ANKH: variants seen among roughly 807,000 people sequenced by gnomAD.
The protein encoded by ANKH is ANKH inorganic pyrophosphate transport regulator.
ANKH carries 15 observed loss-of-function variants against 49.0 expected under a neutral mutation model. The observed-to-expected ratio is 0.31, with a 90% CI of 0.20 to 0.47. The LOEUF (loss-of-function observed/expected upper bound fraction) is 0.47. ANKH is among the 20% of genes least tolerant of loss of function. The pLI is 1.00. For missense variants in ANKH, 429 were observed against 652.0 expected (o/e 0.66, Z 3.72); for synonymous variants, 273 against 260.0 (o/e 1.05, Z -0.48).
intron 1 of ANKH, among the ~76,000 whole-genome samples, chr5:14,784,309 T>A (rs1424796293): frequency 6.6e-6 from 1 of 152,144 alleles, no homozygotes; most frequent in Non-Finnish European, 1.5e-5. Context: ...AGGTTCCTGG[T>A]TAATATACGG....
intron 1 of ANKH, among the ~76,000 whole-genome samples, chr5:14,799,339 AT>A (rs1740492494): frequency 6.6e-6 from 1 of 152,274 alleles, no homozygotes; most frequent in South Asian, 2.1e-4. Flanking sequence ...GCAGCAACTT[AT>A]CCAGAAGATC....
chr5:14,814,338 C>T (rs1327324468), intron 1 of ANKH, among the ~76,000 whole-genome samples: 2 of 152,214 alleles, frequency 1.3e-5, no homozygotes, highest in African/African-American at 4.8e-5. Context: ...TGGTGACACA[C>T]GCCTGTAATC....
rs543142624 is a variant in ANKH, at chr5:14,848,201, GACTGCACCCACCTTTAAA to G, written c.96+23133_96+23150del. Among the ~76,000 whole-genome samples, 48 of 152,322 alleles carry G rather than the reference GACTGCACCCACCTTTAAA, an allele frequency of 3.2e-4. No homozygotes were observed. The South Asian group carries it at 4.6e-3, about 14-fold the overall frequency. On this transcript the variant is annotated intron_variant, in intron 1 of 11. Transcript: ENST00000284268. ...ATTCCTAAGCCTAACTGAGGAAGGT[GACTGCACCCACCTTTAAA>G]CGTGGGGCTTGTAACTCAGCTCACA...
intron 6 of ANKH, among the ~76,000 whole-genome samples, chr5:14,747,346 A>G (rs153922): frequency 0.26 from 39,710 of 152,042 alleles, 6,440 homozygotes; most frequent in African/African-American, 0.46. Flanking sequence ...TTGGGAGGCC[A>G]AGGTTGGAGA....
Position 14,713,497 on chromosome 5 carries a change from T to C in ANKH, c.1265+47A>G, listed in dbSNP as rs764632357. 6.2e-7 allele frequency: 1 copy of C among 1,611,840 alleles called. No homozygotes were observed. The highest frequency in any genetic ancestry group is 8.5e-7 in the Non-Finnish European group (1 of 1,178,784). On this transcript the variant is annotated intron_variant, in intron 10 of 11. Transcript: ENST00000284268. The surrounding 1 kb of genome is among the most constrained non-coding windows in gnomAD (Gnocchi z 4.4). ...AGCTGTTAAACCTCTGGACACAGTA[T>C]TGAAGTGGCAGAAGGACCCACAGCC...
intron 7 of ANKH, among the ~76,000 whole-genome samples, chr5:14,743,238 A>G (rs900520843): frequency 6.6e-6 from 1 of 152,230 alleles, no homozygotes; most frequent in African/African-American, 2.4e-5. Context: ...TTCACCCTGG[A>G]TCTGTTAGAG....
At position 14,871,496 on chromosome 5, in the gene ANKH, C is replaced by T. The variant is rs370039792; in HGVS notation, c.-49G>A. 33 of 1,530,096 alleles carry T rather than the reference C, an allele frequency of 2.2e-5. No individual in the cohort carries two copies. Among genetic ancestry groups the T allele is most frequent in the Non-Finnish European group, 2.3e-5 (26 of 1,116,156 alleles). 94.8% of individuals were successfully genotyped at this position (1,530,096 alleles called of 1,614,324 possible). A position where few individuals can be genotyped will look rare whatever the true frequency, so the allele number is the denominator to read the frequency against. ...ACACACATCTGCTGCCGCGAGGGGA[C>T]TCTGCGGGGAGGCGAGGGGCGACGG... On this transcript the variant is annotated 5_prime_UTR_variant, in exon 1 of 12. Coordinates refer to ENST00000284268, the MANE Select transcript of ANKH (RefSeq NM_054027.6).
intron 1 of ANKH, among the ~76,000 whole-genome samples, chr5:14,772,402 T>G (rs1192165200): frequency 6.6e-6 from 1 of 152,230 alleles, no homozygotes; most frequent in African/African-American, 2.4e-5. Context: ...CTCATTATCA[T>G]TTTTCTGACT....
At chr5:14,758,917 A>C (rs1738987050) in intron 2 of ANKH, among the ~76,000 whole-genome samples, 3 of 152,164 alleles carry the variant, frequency 2.0e-5, no homozygotes, top group Non-Finnish European at 4.4e-5. Context: ...TATTTCTTTG[A>C]ATTCCCTTCA....
chr5:14,713,773 C>T lies in ANKH; in HGVS notation c.1142-106G>A. 1.3e-6 allele frequency: 2 copies of T among 1,540,732 alleles called. No homozygotes were observed. The highest frequency in any genetic ancestry group is 1.4e-5 in the African/African-American group (1 of 73,594). On this transcript the variant is annotated intron_variant, in intron 9 of 11. Coordinates refer to ENST00000284268, the MANE Select transcript of ANKH (RefSeq NM_054027.6). The surrounding 1 kb of genome is among the most constrained non-coding windows in gnomAD (Gnocchi z 4.4). ...TCCGAGAGCCAGGGGCTGCCTAGGA[C>T]CCTGGCCTTGCTGTTGAGCCGCTGG...
intron 1 of ANKH, among the ~76,000 whole-genome samples, chr5:14,836,531 G>A (rs861147): frequency 0.35 from 53,142 of 151,862 alleles, 9,326 homozygotes; most frequent in Admixed American, 0.4. Context: ...GCTTCAAAGA[G>A]AATCAAATAC....
intron 1 of ANKH, among the ~76,000 whole-genome samples, chr5:14,841,605 C>T (rs1041048275): frequency 6.6e-6 from 1 of 152,200 alleles, no homozygotes; most frequent in African/African-American, 2.4e-5. Context: ...CAAAAATTTA[C>T]CATTTTTAAG....
chr5:14,741,773 C>A, intron 8 of ANKH, 54 bp downstream of exon 8: 1 of 1,360,030 alleles, frequency 7.4e-7, no homozygotes, highest in Non-Finnish European at 1.1e-6. Flanking sequence ...TAGCAACTTG[C>A]CCCTTTACAA....
chr5:14,715,200 C>T (rs1318669634), intron 9 of ANKH, among the ~76,000 whole-genome samples: 2 of 152,174 alleles, frequency 1.3e-5, no homozygotes, highest in Non-Finnish European at 2.9e-5. Flanking sequence ...GGTGCAATCT[C>T]GACTCACTGC....
intron 1 of ANKH, among the ~76,000 whole-genome samples, chr5:14,786,183 A>T (rs1213258704): frequency 6.6e-6 from 1 of 152,106 alleles, no homozygotes; most frequent in African/African-American, 2.4e-5. Flanking sequence ...TGTCACTCCC[A>T]GTATAAAAGA....
chr5:14,757,822 A>G (rs950450905), intron 3 of ANKH, among the ~76,000 whole-genome samples: 1 of 152,178 alleles, frequency 6.6e-6, no homozygotes, highest in African/African-American at 2.4e-5. Context: ...GACAATTGGA[A>G]CCTGAGTACT....
intron 1 of ANKH, among the ~76,000 whole-genome samples, chr5:14,805,560 C>T (rs1299081443): frequency 6.6e-6 from 1 of 151,162 alleles, no homozygotes; most frequent in Non-Finnish European, 1.5e-5. Flanking sequence ...TTCTGTCCCT[C>T]TAAGAGAAAC....
rs545440339 is a variant in ANKH, at chr5:14,795,594, A to T, written c.97-26403T>A. Among the ~76,000 whole-genome samples, 9 of 152,346 alleles carry T rather than the reference A, an allele frequency of 5.9e-5. No individual in the cohort carries two copies. In the East Asian group the frequency reaches 1.7e-3, roughly 29 times the overall value. On this transcript the variant is annotated intron_variant, in intron 1 of 11. Transcript: ENST00000284268. ...CTGGGTGTGGTGGCTCACGCCTGTA[A>T]TCCCAGCACTTTGGGAGGCAAAGGC...
chr5:14,717,178 G>C (rs1737500450), intron 8 of ANKH: 1 of 317,400 alleles, frequency 3.2e-6, no homozygotes, highest in Non-Finnish European at 6.1e-6. Flanking sequence ...AGCTCAGCCA[G>C]TTCCACGTGG....
Sources: allele counts gnomAD v4.1 joint callset (sites outside exome capture counted in the v4.1 genomes callset), GRCh38; gene constraint gnomAD v4.1.1; non-coding constraint Gnocchi (gnomAD v3.1); transcripts MANE v1.5; gene names NCBI Gene and HGNC (gene_info 2026-07-23, HGNC 2026-07-21).